Variants in PRELID2 observed in about 807,000 individuals in gnomAD.
PRELID2 encodes PRELI domain containing 2.
Under a neutral mutation model 28.4 loss-of-function variants are expected in PRELID2, and 25 were observed. The ratio of observed to expected loss-of-function variants is 0.88; its 90% CI spans 0.64 to 1.23. PRELID2 has a LOEUF of 1.23. Among genes scored for constraint, PRELID2 ranks in the 50% most tolerant of loss-of-function variants. The pLI, the probability that PRELID2 is intolerant of heterozygous loss-of-function variation, is 0.00. For synonymous variants in PRELID2, 76 were observed against 71.6 expected (o/e 1.06, Z -0.31); for missense variants, 201 against 214.4 (o/e 0.94, Z 0.39).
the PRELID2 span, among the ~76,000 whole-genome samples, chr5:145,294,970 C>G: frequency 6.6e-6 from 1 of 152,226 alleles, no homozygotes; most frequent in East Asian, 1.9e-4. Context: ...AAAAACACAT[C>G]AGAGCTTCAC....
intron 1 of PRELID2, among the ~76,000 whole-genome samples, chr5:145,481,124 C>A (rs1001210235): frequency 6.6e-6 from 1 of 152,070 alleles, no homozygotes; most frequent in African/African-American, 2.4e-5. Context: ...AAGATAAAAG[C>A]CCTACTTTTC....
intron 1 of PRELID2, among the ~76,000 whole-genome samples, chr5:145,713,952 T>C (rs529022481): frequency 1.8e-4 from 27 of 151,538 alleles, no homozygotes; most frequent in Non-Finnish European, 3.5e-4. Context: ...TCTTCAAATA[T>C]GCATGGGGAA....
the PRELID2 span, among the ~76,000 whole-genome samples, chr5:145,248,104 A>T: frequency 6.6e-6 from 1 of 152,116 alleles, no homozygotes; most frequent in Non-Finnish European, 1.5e-5. Flanking sequence ...ATAAAATATA[A>T]AATAGCTATT....
chr5:145,622,094 C>A (rs1218646084), intron 1 of PRELID2, among the ~76,000 whole-genome samples: 1 of 152,084 alleles, frequency 6.6e-6, no homozygotes, highest in Non-Finnish European at 1.5e-5. Flanking sequence ...TATATGATTC[C>A]ATTTATGTTA....
At chr5:145,631,965 G>A (rs1753938895) in intron 1 of PRELID2, among the ~76,000 whole-genome samples, 1 of 152,080 alleles carries the variant, frequency 6.6e-6, no homozygotes, top group Non-Finnish European at 1.5e-5. Flanking sequence ...TTGAAAATCT[G>A]GCTCTAAATA....
At chr5:145,408,996 A>T in the PRELID2 span, among the ~76,000 whole-genome samples, 1 of 152,066 alleles carries the variant, frequency 6.6e-6, no homozygotes, top group African/African-American at 2.4e-5. Context: ...ATACAGAAAA[A>T]CCTATCAGAT....
the PRELID2 span, among the ~76,000 whole-genome samples, chr5:145,305,907 C>G: frequency 6.6e-6 from 1 of 152,156 alleles, no homozygotes; most frequent in East Asian, 1.9e-4. Context: ...TGGTGGGCCA[C>G]TGCTAATGCA....
chr5:145,633,386 C>G (rs1753956941), intron 1 of PRELID2, among the ~76,000 whole-genome samples: 1 of 152,204 alleles, frequency 6.6e-6, no homozygotes, highest in Non-Finnish European at 1.5e-5. Context: ...TCATGTACCT[C>G]CAGTTCCCCA....
At position 145,777,621 on chromosome 5, in the gene PRELID2, G is replaced by GCACA. The variant is rs147593670; in HGVS notation, c.475-12625_475-12622dup. 4.7e-3 allele frequency among the ~76,000 whole-genome samples: 717 copies of GCACA among 152,320 alleles called. 1 individual carries two copies. The highest frequency in any genetic ancestry group is 0.016 in the African/African-American group (669 of 41,578). ...GCAACAGGGAGGCACGGCCAGGGCTGCACACTCCATGAAGCTGGCAGGAGC... is the reference window on the plus strand; with the variant it reads ...GCAACAGGGAGGCACGGCCAGGGCTGCACACACACTCCATGAAGCTGGCAGGAGC... On this transcript the variant is annotated intron_variant, in intron 5 of 6. Coordinates refer to ENST00000683046, the MANE Select transcript of PRELID2 (RefSeq NM_205846.3).
At chr5:145,384,148 A>G in the PRELID2 span, among the ~76,000 whole-genome samples, 1 of 152,274 alleles carries the variant, frequency 6.6e-6, no homozygotes, top group Non-Finnish European at 1.5e-5. Context: ...GCTACACGAG[A>G]CTGACAATAC....
chr5:145,519,094 G>A (rs1465531697), intron 1 of PRELID2, among the ~76,000 whole-genome samples: 1 of 152,144 alleles, frequency 6.6e-6, no homozygotes, highest in Non-Finnish European at 1.5e-5. Flanking sequence ...GACTTCTCTG[G>A]TGGAGCTGCA....
chr5:145,229,765 T>C, the PRELID2 span: 1 of 754,712 alleles, frequency 1.3e-6, no homozygotes, highest in East Asian at 2.4e-5. Flanking sequence ...GGCTTGAAAT[T>C]TGCTGAGCTG....
At chr5:145,580,133 C>A (rs1444980551) in intron 1 of PRELID2, among the ~76,000 whole-genome samples, 1 of 152,024 alleles carries the variant, frequency 6.6e-6, no homozygotes, top group Non-Finnish European at 1.5e-5. Flanking sequence ...CTGTAACAAT[C>A]CAAGAATCTG....
intron 4 of PRELID2, among the ~76,000 whole-genome samples, chr5:145,811,523 G>T (rs1305852909): frequency 3.3e-5 from 5 of 152,156 alleles, no homozygotes; most frequent in Non-Finnish European, 7.4e-5. Flanking sequence ...CTGGCCACAA[G>T]ATACTCCCAC....
chr5:145,498,281 A>T (rs4913031), intron 1 of PRELID2, among the ~76,000 whole-genome samples: 31,793 of 152,202 alleles, frequency 0.21, 3,763 homozygotes, highest in South Asian at 0.37. Flanking sequence ...AGGAAGGTCA[A>T]TATTATTTGT....
intron 1 of PRELID2, among the ~76,000 whole-genome samples, chr5:145,603,077 A>G (rs1295616044): frequency 6.6e-6 from 1 of 151,290 alleles, no homozygotes; most frequent in African/African-American, 2.4e-5. Context: ...ATAACTCGAT[A>G]TTTTTTTTTC....
chr5:145,650,523 CATATATACAT>C (rs58931624), intron 1 of PRELID2, among the ~76,000 whole-genome samples: 1,012 of 91,468 alleles, frequency 0.011, 6 homozygotes, highest in Admixed American at 0.031. Context: ...TCGAATCGCA[CATATATACAT>C]ATATATATAT....
At chr5:145,565,636 A>G (rs1404517333) in intron 1 of PRELID2, among the ~76,000 whole-genome samples, 1 of 152,258 alleles carries the variant, frequency 6.6e-6, no homozygotes, top group Non-Finnish European at 1.5e-5. Context: ...GCAGACAAAA[A>G]TAAACGTTTT....
intron 1 of PRELID2, among the ~76,000 whole-genome samples, chr5:145,730,723 AGTCTAATGACTAAG>A (rs1383516117): frequency 6.6e-6 from 1 of 152,212 alleles, no homozygotes; most frequent in Non-Finnish European, 1.5e-5. Context: ...AAAGGGCATC[AGTCTAATGACTAAG>A]GTCGGCATGA....
Sources: gnomAD v4.1 joint callset for allele counts (sites outside exome capture counted in the v4.1 genomes callset) on GRCh38, gnomAD v4.1.1 for gene constraint, MANE v1.5 for transcripts, NCBI Gene and HGNC (gene_info 2026-07-23, HGNC 2026-07-21) for gene names.